EPHB1: variants seen among roughly 807,000 people sequenced by gnomAD.
The protein encoded by EPHB1 is EPH receptor B1.
EPHB1 carries 30 observed loss-of-function variants against 94.4 expected under a neutral mutation model. The ratio of observed to expected loss-of-function variants is 0.32; its 90% CI spans 0.24 to 0.43. The LOEUF (loss-of-function observed/expected upper bound fraction) is 0.43, where lower values mean the gene tolerates loss of function less well. EPHB1 is among the 20% of genes least tolerant of loss of function. The probability of loss-of-function intolerance (pLI) is 1.00; values close to 1 mark genes in which losing one functional copy is unlikely to be tolerated. For synonymous variants in EPHB1, 522 were observed against 489.1 expected (o/e 1.07, Z -0.89); for missense variants, 1,055 against 1,308.3 (o/e 0.81, Z 2.99).
intron 4 of EPHB1, among the ~76,000 whole-genome samples, chr3:135,123,547 G>A (rs1940069630): frequency 6.6e-6 from 1 of 151,998 alleles, no homozygotes; most frequent in African/African-American, 2.4e-5. Context: ...GAAGGCAATG[G>A]GACAGGGAGC....
chr3:135,019,920 C>A (rs1935931549), intron 3 of EPHB1, among the ~76,000 whole-genome samples: 1 of 152,292 alleles, frequency 6.6e-6, no homozygotes, highest in East Asian at 1.9e-4. Flanking sequence ...GAACTGGAAT[C>A]AAAGGGTCTG....
intron 7 of EPHB1, among the ~76,000 whole-genome samples, chr3:135,162,436 C>T (rs1214700232): frequency 6.6e-6 from 1 of 152,178 alleles, no homozygotes; most frequent in African/African-American, 2.4e-5. Flanking sequence ...CAGTGAGACT[C>T]ATACCTGTCT....
At chr3:134,890,527 C>T (rs1411307598) in intron 1 of EPHB1, among the ~76,000 whole-genome samples, 4 of 152,280 alleles carry the variant, frequency 2.6e-5, no homozygotes, top group African/African-American at 2.4e-5. Context: ...TCTTGGCTGT[C>T]TTGGGCATAT....
At chr3:134,957,089 T>C (rs897639036) in intron 3 of EPHB1, among the ~76,000 whole-genome samples, 4 of 152,160 alleles carry the variant, frequency 2.6e-5, no homozygotes, top group Admixed American at 2.6e-4. Flanking sequence ...AAGGACCAAG[T>C]GGAGAGAGAA....
intron 3 of EPHB1, among the ~76,000 whole-genome samples, chr3:135,057,149 G>A (rs1241457725): frequency 6.6e-6 from 1 of 152,184 alleles, no homozygotes; most frequent in Non-Finnish European, 1.5e-5. Context: ...GCCTGGGCAA[G>A]CCAAGGCTTC....
At chr3:134,817,995 G>A (rs976293693) in intron 1 of EPHB1, among the ~76,000 whole-genome samples, 1 of 152,154 alleles carries the variant, frequency 6.6e-6, no homozygotes, top group Non-Finnish European at 1.5e-5. Flanking sequence ...CAAACAGGTG[G>A]CTTCTTAATG....
intron 12 of EPHB1, among the ~76,000 whole-genome samples, chr3:135,212,674 G>A (rs956916833): frequency 1.9e-4 from 29 of 152,106 alleles, no homozygotes; most frequent in Non-Finnish European, 1.5e-4. Flanking sequence ...TGCTGAATTC[G>A]TTCCCTTGGT....
At chr3:134,961,717 A>G (rs1259479183) in intron 3 of EPHB1, among the ~76,000 whole-genome samples, 1 of 152,216 alleles carries the variant, frequency 6.6e-6, no homozygotes, top group African/African-American at 2.4e-5. Flanking sequence ...TAGTTTGGTT[A>G]TATTACATAT....
intron 3 of EPHB1, among the ~76,000 whole-genome samples, chr3:135,023,507 G>C (rs984136298): frequency 6.6e-6 from 1 of 152,174 alleles, no homozygotes; most frequent in African/African-American, 2.4e-5. Context: ...TTGGGGGTTG[G>C]TGCCAGAATC....
intron 1 of EPHB1, among the ~76,000 whole-genome samples, chr3:134,841,934 G>T (rs961640736): frequency 6.6e-5 from 10 of 152,228 alleles, no homozygotes; most frequent in African/African-American, 2.4e-4. Flanking sequence ...TGAGAGCTGG[G>T]GAAAGGATAA....
intron 1 of EPHB1, among the ~76,000 whole-genome samples, chr3:134,858,297 T>G (rs9839234): frequency 0.87 from 132,744 of 151,982 alleles, 58,132 homozygotes; most frequent in East Asian, 0.97. Flanking sequence ...TGCTCATTTT[T>G]TCCCCTGTGT....
chr3:135,005,336 C>T (rs1393264486), intron 3 of EPHB1, among the ~76,000 whole-genome samples: 1 of 152,212 alleles, frequency 6.6e-6, no homozygotes, highest in African/African-American at 2.4e-5. Context: ...TAGCTGCGTG[C>T]TGGGAGAACC....
At chr3:134,907,407 C>T (rs2038355382) in intron 1 of EPHB1, among the ~76,000 whole-genome samples, 1 of 152,180 alleles carries the variant, frequency 6.6e-6, no homozygotes, top group Non-Finnish European at 1.5e-5. Context: ...GCCCAAAGTG[C>T]TTGGTGAAAC....
intron 3 of EPHB1, among the ~76,000 whole-genome samples, chr3:134,955,783 C>G (rs1337160424): frequency 2.0e-5 from 3 of 152,230 alleles, no homozygotes; most frequent in Non-Finnish European, 4.4e-5. Context: ...CCTCATCTCA[C>G]TAGTGACTCT....
chr3:134,881,245 G>GA (rs2108311497), intron 1 of EPHB1, among the ~76,000 whole-genome samples: 1 of 152,296 alleles, frequency 6.6e-6, no homozygotes, highest in South Asian at 2.1e-4. Context: ...GGCTCTGTGG[G>GA]AAGTGTAGGT....
At chr3:134,908,048 T>C (rs2038373205) in intron 1 of EPHB1, among the ~76,000 whole-genome samples, 1 of 152,236 alleles carries the variant, frequency 6.6e-6, no homozygotes, top group African/African-American at 2.4e-5. Flanking sequence ...TTCCATCTTC[T>C]TCCCTCACTG....
At chr3:135,062,633 G>T (rs1937530204) in intron 3 of EPHB1, among the ~76,000 whole-genome samples, 1 of 152,076 alleles carries the variant, frequency 6.6e-6, no homozygotes, top group Non-Finnish European at 1.5e-5. Context: ...CCACTCTGTG[G>T]GCTGTCTGTT....
chr3:135,177,392 G>A (rs548782430), intron 9 of EPHB1, among the ~76,000 whole-genome samples: 1 of 152,152 alleles, frequency 6.6e-6, no homozygotes, highest in Admixed American at 6.5e-5. Context: ...TCCACCTGTG[G>A]CATCAGTGTT....
intron 5 of EPHB1, among the ~76,000 whole-genome samples, chr3:135,139,994 A>C (rs976285271): frequency 6.6e-6 from 1 of 152,148 alleles, no homozygotes; most frequent in African/African-American, 2.4e-5. Flanking sequence ...CTCTGCTAGG[A>C]GTACCAGAGT....
Sources: allele counts gnomAD v4.1 joint callset (sites outside exome capture counted in the v4.1 genomes callset), GRCh38; gene constraint gnomAD v4.1.1; transcripts MANE v1.5; gene names NCBI Gene and HGNC (gene_info 2026-07-23, HGNC 2026-07-21).